The following OSBPL6 variants were observed in gnomAD, a reference collection of about 807,000 sequenced individuals.
OSBPL6 encodes oxysterol binding protein like 6.
In OSBPL6, 49 loss-of-function variants were observed where a neutral mutation model predicts 125.8. The observed-to-expected ratio is 0.39, with a 90% confidence interval of 0.31 to 0.49. The LOEUF (loss-of-function observed/expected upper bound fraction) is 0.49. Ranked by LOEUF, OSBPL6 falls within the 20% of genes least tolerant of loss-of-function variation. The pLI, the probability that OSBPL6 is intolerant of heterozygous loss-of-function variation, is 0.88. For synonymous variants in OSBPL6, 394 were observed against 391.8 expected (o/e 1.01, Z -0.07); for missense variants, 986 against 1,135.4 (o/e 0.87, Z 1.89).
intron 1 of OSBPL6, among the ~76,000 whole-genome samples, chr2:178,200,332 A>T (rs1292715178): frequency 6.8e-6 from 1 of 147,484 alleles, no homozygotes; most frequent in Admixed American, 6.8e-5. Context: ...GCTCACTGCA[A>T]CCTCCACCTC....
intron 3 of OSBPL6, among the ~76,000 whole-genome samples, chr2:178,315,445 G>A (rs1300923423): frequency 1.3e-5 from 2 of 152,192 alleles, no homozygotes; most frequent in African/African-American, 4.8e-5. Flanking sequence ...TATGACAAAA[G>A]TGTCAGCAAA....
chr2:178,346,769 G>T lies in OSBPL6; in HGVS notation c.988-2455G>T, dbSNP rs540886933. ...AGTAAATAAGTCCCCAGTCTGAACAGATATTCAATTAGGGTTAGATTAATA... is the reference window on the plus strand; with the variant it reads ...AGTAAATAAGTCCCCAGTCTGAACATATATTCAATTAGGGTTAGATTAATA... On this transcript the variant is annotated intron_variant, in intron 11 of 24. Transcript: ENST00000190611. 4.7e-4 allele frequency among the ~76,000 whole-genome samples: 72 copies of T among 152,288 alleles called. 1 individual carries two copies. Among genetic ancestry groups the T allele is most frequent in the Middle Eastern group, 6.8e-3 (2 of 294 alleles).
intron 13 of OSBPL6, among the ~76,000 whole-genome samples, chr2:178,368,793 T>TA (rs1445435852): frequency 2.9e-5 from 4 of 137,360 alleles, no homozygotes; most frequent in African/African-American, 1.1e-4. Context: ...TTCATCTTAA[T>TA]AAAAAAAATC....
upstream of OSBPL6, chr2:178,194,479 C>T (rs2088729904): frequency 6.6e-6 from 1 of 152,054 alleles, no homozygotes; most frequent in Non-Finnish European, 1.5e-5. Context: ...CGCAGCGGAC[C>T]ACTGGAGGCG....
At chr2:178,374,108 T>A in intron 15 of OSBPL6, 81 bp downstream of exon 15, 7 of 1,482,898 alleles carry the variant, frequency 4.7e-6, no homozygotes, top group Non-Finnish European at 6.4e-6. Flanking sequence ...GTGGAACTTT[T>A]TGGTGATTAC....
intron 8 of OSBPL6, among the ~76,000 whole-genome samples, chr2:178,334,110 A>G (rs1689462415): frequency 6.6e-6 from 1 of 152,222 alleles, no homozygotes; most frequent in African/African-American, 2.4e-5. Flanking sequence ...TTAAAAAAAA[A>G]TCAAGGTTAA....
rs529733173 is a variant in OSBPL6 at position 178,269,631 on chromosome 2, A to C, written c.-350-15296A>C. On this transcript the variant is annotated intron_variant, in intron 1 of 24. Transcript: ENST00000190611. ...GGGAGGGAGGGAATGAATTTTTCCC[A>C]GTGTTAGCATTACTCATATTTCCAG... 1.1e-3 allele frequency among the ~76,000 whole-genome samples: 173 copies of C among 152,280 alleles called. 1 individual carries two copies. The highest frequency in any genetic ancestry group is 4.0e-3 in the African/African-American group (165 of 41,560).
At chr2:178,391,281 A>G (rs1695383953) in intron 22 of OSBPL6, 64 bp downstream of exon 22, 5 of 1,468,360 alleles carry the variant, frequency 3.4e-6, no homozygotes, top group South Asian at 1.5e-5. Flanking sequence ...GGAAGAGAAC[A>G]TCAGGTCATC....
chr2:178,316,929 T>TA (rs756473862), intron 3 of OSBPL6, among the ~76,000 whole-genome samples: 2 of 152,276 alleles, frequency 1.3e-5, no homozygotes, highest in Non-Finnish European at 2.9e-5. Flanking sequence ...AAAAGGCTAT[T>TA]AAATTGAAAA....
intron 15 of OSBPL6, among the ~76,000 whole-genome samples, chr2:178,379,115 C>G (rs1370933951): frequency 6.6e-6 from 1 of 151,374 alleles, no homozygotes; most frequent in Admixed American, 6.6e-5. Flanking sequence ...AAGGCTGTGT[C>G]GAGCTGTGAT....
chr2:178,362,197 G>A (rs1348455440), intron 13 of OSBPL6, among the ~76,000 whole-genome samples: 2 of 152,056 alleles, frequency 1.3e-5, no homozygotes, highest in Admixed American at 6.6e-5. Context: ...TTTTAAAAAT[G>A]TACTAGATCT....
chr2:178,240,419 A>T (rs926945834), intron 1 of OSBPL6, among the ~76,000 whole-genome samples: 1 of 152,210 alleles, frequency 6.6e-6, no homozygotes, highest in East Asian at 1.9e-4. Flanking sequence ...AAATACGAAA[A>T]TTAGCCAGGC....
Position 178,368,813 on chromosome 2 carries a change from T to TG in OSBPL6, c.1288-3313_1288-3312insG, listed in dbSNP as rs1205607720. 2.6e-5 allele frequency among the ~76,000 whole-genome samples: 4 copies of TG among 151,852 alleles called. No individual in the cohort carries two copies. In the East Asian group the frequency reaches 5.8e-4, roughly 22 times the overall value. Reference sequence around the variant, plus strand: ...CTTAATAAAAAAAATCCTTTTTTTTTTTTGAGACACAGTCTCTCAGTGTTG... The same window carrying TG: ...CTTAATAAAAAAAATCCTTTTTTTTTGTTTGAGACACAGTCTCTCAGTGTTG... On this transcript the variant is annotated intron_variant, in intron 13 of 24. Coordinates refer to ENST00000190611, the MANE Select transcript of OSBPL6 (RefSeq NM_032523.4).
At chr2:178,362,707 A>T (rs542438193) in intron 13 of OSBPL6, among the ~76,000 whole-genome samples, 2 of 152,264 alleles carry the variant, frequency 1.3e-5, no homozygotes, top group South Asian at 4.2e-4. Flanking sequence ...ACACCGTGTC[A>T]CCGTGTTTTA....
chr2:178,209,743 G>A (rs1324174928), intron 1 of OSBPL6, among the ~76,000 whole-genome samples: 2 of 151,744 alleles, frequency 1.3e-5, no homozygotes, highest in African/African-American at 4.8e-5. Flanking sequence ...AGCTGGTCCT[G>A]TAAGGAAGCC....
chr2:178,219,266 A>G (rs897285738), intron 1 of OSBPL6, among the ~76,000 whole-genome samples: 1 of 152,258 alleles, frequency 6.6e-6, no homozygotes, highest in African/African-American at 2.4e-5. Flanking sequence ...TTTAAACCAC[A>G]CAACAACATT....
intron 4 of OSBPL6, among the ~76,000 whole-genome samples, chr2:178,326,884 CCTTT>C (rs1688737977): frequency 6.6e-6 from 1 of 152,112 alleles, no homozygotes; most frequent in Non-Finnish European, 1.5e-5. Context: ...TAACTTTTTG[CCTTT>C]CTATCTTATC....
At chr2:178,364,900 G>T (rs1692670435) in intron 13 of OSBPL6, among the ~76,000 whole-genome samples, 1 of 152,162 alleles carries the variant, frequency 6.6e-6, no homozygotes, top group Non-Finnish European at 1.5e-5. Flanking sequence ...ACGACAGGCT[G>T]GCCGGGCGCG....
intron 2 of OSBPL6, among the ~76,000 whole-genome samples, chr2:178,286,600 G>A (rs898388035): frequency 3.3e-5 from 5 of 152,194 alleles, no homozygotes; most frequent in African/African-American, 1.2e-4. Context: ...TTTTCATAGT[G>A]ATGTGCTCTG....
Sources: allele counts gnomAD v4.1 joint callset (sites outside exome capture counted in the v4.1 genomes callset), GRCh38; gene constraint gnomAD v4.1.1; transcripts MANE v1.5; gene names NCBI Gene and HGNC (gene_info 2026-07-23, HGNC 2026-07-21).